DPF1: variants seen among roughly 807,000 people sequenced by gnomAD.
DPF1 encodes the protein zinc finger protein neuro-d4.
A neutral mutation model predicts 58.7 loss-of-function variants in DPF1; 14 were observed. The ratio of observed to expected loss-of-function variants is 0.24; its 90% CI spans 0.16 to 0.37. DPF1 has a LOEUF of 0.37. Among genes scored for constraint, DPF1 ranks in the 10% least tolerant of loss-of-function variants. The pLI is 1.00. For missense variants in DPF1, 345 were observed against 529.9 expected (o/e 0.65, Z 3.43); for synonymous variants, 216 against 216.0 (o/e 1.00, Z 0.00).
intron 1 of DPF1, 193 bp downstream of exon 1, chr19:38,223,921 C>T: frequency 1.4e-6 from 1 of 691,378 alleles, no homozygotes; most frequent in African/African-American, 1.9e-5. Flanking sequence ...CCCTCCACCC[C>T]GCCAGGGAGC....
chr19:38,211,945 C>G lies in DPF1; in HGVS notation c.*118G>C, dbSNP rs1369938434. 2 of 1,217,658 alleles carry G rather than the reference C, an allele frequency of 1.6e-6. No individual in the cohort carries two copies. Among genetic ancestry groups the G allele is most frequent in the South Asian group, 2.8e-5 (2 of 70,232 alleles). 75.4% of individuals were successfully genotyped at this position (1,217,658 alleles called of 1,614,324 possible). On this transcript the variant is annotated 3_prime_UTR_variant, in exon 12 of 12. Transcript: ENST00000355526. The surrounding 1 kb of genome is among the most constrained non-coding windows in gnomAD (Gnocchi z 4.0). ...AGAGGGGAGGGGGTGGCCCAGCCCCCTCTCGGCTTCCCCCTCTCCCCCTCC... is the reference window on the plus strand; with the variant it reads ...AGAGGGGAGGGGGTGGCCCAGCCCCGTCTCGGCTTCCCCCTCTCCCCCTCC...
rs1164049456 is a variant in DPF1, at chr19:38,216,356, T to C, written c.775A>G (p.Thr259Ala). Residue 259 changes from threonine (T) to alanine (A), a missense_variant, in exon 8 of 12, where the codon ACA becomes GCA. By Grantham distance (58) the Thr-to-Ala change is moderately conservative. Coordinates refer to ENST00000355526, the MANE Select transcript of DPF1 (RefSeq NM_001135155.3). ...AWVPEAQRKH[T>A]AKKAPDGTVI... The stretch of plus-strand genomic sequence containing the variant: ...GAGCAGAAGGAGGCATCCGTACCTG[T>C]GTGTTTCCTTTGTGCCTCAGGGACC... 1.2e-5 allele frequency: 19 copies of C among 1,600,986 alleles called. No individual in the cohort carries two copies. Among genetic ancestry groups the C allele is most frequent in the Non-Finnish European group, 1.6e-5 (19 of 1,172,820 alleles).
At position 38,222,372 on chromosome 19, in the gene DPF1, A is replaced by G; in HGVS notation, c.283T>C (p.Cys95Arg). ...NILEDPRLRP[C>R]EYKIDCEAPL... is the part of the protein sequence containing the mutation. Reference sequence around the variant, plus strand: ...CTGCACCCACCGATCTTGTACTCGCAGGGCCTGAGTCTGGGGTCCTCCAGG... The same window carrying G: ...CTGCACCCACCGATCTTGTACTCGCGGGGCCTGAGTCTGGGGTCCTCCAGG... The change falls in exon 3 of 12, where the codon TGC becomes CGC. Residue 95 changes from cysteine to arginine, a missense_variant. Coordinates refer to ENST00000355526, the MANE Select transcript of DPF1 (RefSeq NM_001135155.3). This position sits in a 1 kb window ranked among gnomAD's most constrained non-coding sequence, Gnocchi z 4.9. The G allele has an allele frequency of 6.3e-7, 1 of 1,589,428 alleles. No homozygotes were observed. The highest frequency in any genetic ancestry group is 1.1e-5 in the South Asian group (1 of 87,484).
chr19:38,218,916 C>T lies in DPF1; in HGVS notation c.426+15G>A. The T allele has an allele frequency of 6.2e-7, 1 of 1,613,692 alleles. No homozygotes were observed. Among genetic ancestry groups the T allele is most frequent in the Non-Finnish European group, 8.5e-7 (1 of 1,179,838 alleles). On this transcript the variant is annotated intron_variant, in intron 4 of 11. Coordinates refer to ENST00000355526, the MANE Select transcript of DPF1 (RefSeq NM_001135155.3). ...ACGAAGCCATGCAGCGGGGGTCCCC[C>T]AGAGGTGGGCCCACCTGACAGTCCA...
Position 38,216,249 on chromosome 19 carries a change from C to A in DPF1, c.789G>T (p.Ala263=). 6.2e-7 allele frequency: 1 copy of A among 1,614,118 alleles called. No homozygotes were observed. The highest frequency in any genetic ancestry group is 8.5e-7 in the Non-Finnish European group (1 of 1,179,962). Residue 263 remains alanine (A), a synonymous_variant, in exon 9 of 12, where the codon GCG becomes GCT. Coordinates refer to ENST00000355526, the MANE Select transcript of DPF1 (RefSeq NM_001135155.3). ...EAQRKHTAKK[A]PDGTVIPNGY... ...CGTTGGGGATGACAGTGCCGTCGGG[C>A]GCCTTCTTGGCTGCAAGACAGCAGA...
chr19:38,224,235 CG>C, upstream of DPF1: 7 of 1,276,736 alleles, frequency 5.5e-6, no homozygotes, highest in East Asian at 3.1e-5. The surrounding 1 kb of genome is among the most constrained non-coding windows in gnomAD (Gnocchi z 4.5). Flanking sequence ...CATTCATTCC[CG>C]GGGGGCGGGA....
chr19:38,217,389 C>T, intron 7 of DPF1, 71 bp downstream of exon 7: 2 of 759,472 alleles, frequency 2.6e-6, no homozygotes, highest in Non-Finnish European at 3.9e-6. Flanking sequence ...CCCCCCACCC[C>T]CACCCCCAGC....
Position 38,211,977 on chromosome 19 carries a change from G to T in DPF1, c.*86C>A. 1 of 1,452,886 alleles carries T rather than the reference G, an allele frequency of 6.9e-7. No individual in the cohort carries two copies. Among genetic ancestry groups the T allele is most frequent in the South Asian group, 1.2e-5 (1 of 81,894 alleles). The allele number at this position is 1,452,886 out of a possible 1,614,324, so 90.0% of individuals were successfully genotyped here. ...CTTCCCCCTCTCCCCCTCCCCCTGC[G>T]GGATGTTCAGGGTGGGGGAGAATTG... On this transcript the variant is annotated 3_prime_UTR_variant, in exon 12 of 12. Transcript: ENST00000355526. The surrounding 1 kb of genome is among the most constrained non-coding windows in gnomAD (Gnocchi z 4.0).
At chr19:38,221,058 A>T (rs896245826) in intron 3 of DPF1, among the ~76,000 whole-genome samples, 7 of 152,160 alleles carry the variant, frequency 4.6e-5, no homozygotes. Flanking sequence ...ACACACCCAG[A>T]CACACTCGGG....
At position 38,211,854 on chromosome 19, in the gene DPF1, G is replaced by A. The variant is rs1568619095; in HGVS notation, c.*209C>T. On this transcript the variant is annotated 3_prime_UTR_variant, in exon 12 of 12. Coordinates refer to ENST00000355526, the MANE Select transcript of DPF1 (RefSeq NM_001135155.3). This position sits in a 1 kb window ranked among gnomAD's most constrained non-coding sequence, Gnocchi z 4.0. ...GTGTCCATTTGCCAAGGGACAGAGA[G>A]GGAGGGAGGGAGGGAGAGGCCCTGG... 10 of 542,680 alleles carry A rather than the reference G, an allele frequency of 1.8e-5. No individual in the cohort carries two copies. The highest frequency in any genetic ancestry group is 2.9e-5 in the Non-Finnish European group (9 of 305,622). The allele number at this position is 542,680 out of a possible 1,614,324, so 33.6% of individuals were successfully genotyped here. A position where few individuals can be genotyped will look rare whatever the true frequency, so the allele number is the denominator to read the frequency against.
chr19:38,228,945 T>G (rs1967938135), upstream of DPF1, among the ~76,000 whole-genome samples: 1 of 151,100 alleles, frequency 6.6e-6, no homozygotes, highest in South Asian at 2.1e-4. Context: ...TTGATGTGTA[T>G]GCGCGGGGAG....
intron 3 of DPF1, among the ~76,000 whole-genome samples, chr19:38,221,642 T>C (rs1000515808): frequency 3.3e-5 from 5 of 152,056 alleles, no homozygotes; most frequent in African/African-American, 1.2e-4. Flanking sequence ...GATATCACTA[T>C]GCCCTCCAAT....
At chr19:38,212,590 C>A (rs1600229859) in intron 10 of DPF1, among the ~76,000 whole-genome samples, 1 of 151,864 alleles carries the variant, frequency 6.6e-6, no homozygotes, top group Non-Finnish European at 1.5e-5. Flanking sequence ...TTATAAGGCT[C>A]TGTGGAAGGC....
chr19:38,212,434 AG>A (rs1555800348), intron 10 of DPF1, 73 bp from the exon 11 acceptor site: 1 of 421,954 alleles, frequency 2.4e-6, no homozygotes, highest in Admixed American at 4.5e-5. Flanking sequence ...GGGCTGGGGC[AG>A]GGGCTAGGTC....
upstream of DPF1, among the ~76,000 whole-genome samples, chr19:38,229,093 G>A (rs1206001319): frequency 1.3e-5 from 2 of 152,038 alleles, no homozygotes; most frequent in Non-Finnish European, 2.9e-5. The surrounding 1 kb of genome is among the most constrained non-coding windows in gnomAD (Gnocchi z 5.3). Context: ...GGCCGCGAGG[G>A]CCGGGGTCCT....
chr19:38,223,373 C>T (rs1239686492), intron 1 of DPF1: 1 of 152,636 alleles, frequency 6.6e-6, no homozygotes, highest in Non-Finnish European at 1.5e-5. Flanking sequence ...ACACAAACCA[C>T]ACACACAATA....
At chr19:38,214,056 C>T (rs1027459362) in intron 9 of DPF1, 22 of 330,148 alleles carry the variant, frequency 6.7e-5, no homozygotes, top group Middle Eastern at 1.7e-3. Flanking sequence ...CCCACAACAC[C>T]GTGGCAACCA....
chr19:38,219,022 G>C lies in DPF1; in HGVS notation c.335C>G (p.Pro112Arg). 6.2e-7 allele frequency: 1 copy of C among 1,614,126 alleles called. No homozygotes were observed. The highest frequency in any genetic ancestry group is 8.5e-7 in the Non-Finnish European group (1 of 1,180,026). The change falls in exon 4 of 12, where the codon CCG (proline) becomes CGG (arginine). Residue 112 changes from proline to arginine, a missense_variant. Coordinates refer to ENST00000355526, the MANE Select transcript of DPF1 (RefSeq NM_001135155.3). ...TAGAGCCTCGAGGACCGGCCCTTCC[G>C]GGAGGCCACCCTCCTTCTTCAGGGG... is the stretch of plus-strand genomic sequence containing the variant. Reference protein sequence around the residue: ...EAPLKKEGGLPEGPVLEALLC... With the variant: ...EAPLKKEGGLREGPVLEALLC...
chr19:38,222,882 G>T lies in DPF1; in HGVS notation c.30-174C>A. The stretch of plus-strand genomic sequence containing the variant: ...GACCCAGGCTGGGGGAAGGGGACAG[G>T]GCCCAGGGGCCCCCAAACTGGGACT... On this transcript the variant is annotated intron_variant, in intron 1 of 11. Transcript: ENST00000355526. This position sits in a 1 kb window ranked among gnomAD's most constrained non-coding sequence, Gnocchi z 4.9. 6.4e-6 allele frequency: 6 copies of T among 944,598 alleles called. No individual in the cohort carries two copies. Among genetic ancestry groups the T allele is most frequent in the Non-Finnish European group, 8.8e-6 (6 of 677,966 alleles). The allele number at this position is 944,598 out of a possible 1,614,324, so 58.5% of individuals were successfully genotyped here. A position where few individuals can be genotyped will look rare whatever the true frequency, so the allele number is the denominator to read the frequency against.
Sources: allele counts gnomAD v4.1 joint callset (sites outside exome capture counted in the v4.1 genomes callset), GRCh38; gene constraint gnomAD v4.1.1; non-coding constraint Gnocchi (gnomAD v3.1); transcripts MANE v1.5; gene names NCBI Gene and HGNC (gene_info 2026-07-23, HGNC 2026-07-21).